The following P2RX7 variants were observed in gnomAD, a reference collection of about 807,000 sequenced individuals.
P2RX7 encodes the protein P2X purinoceptor 7.
P2RX7 carries 62 observed loss-of-function variants against 71.6 expected under a neutral mutation model. The observed-to-expected ratio is 0.87, with a 90% CI of 0.71 to 1.07. P2RX7 has a LOEUF of 1.07. Ranked by LOEUF, P2RX7 falls within the 50% of genes least tolerant of loss-of-function variation. P2RX7 has a pLI of 0.00. For synonymous variants in P2RX7, 299 were observed against 283.3 expected (o/e 1.06, Z -0.56); for missense variants, 686 against 748.5 (o/e 0.92, Z 0.97).
chr12:121,139,677 G>A (rs1028614870), intron 1 of P2RX7, among the ~76,000 whole-genome samples: 2 of 151,530 alleles, frequency 1.3e-5, no homozygotes, highest in Admixed American at 1.3e-4. Flanking sequence ...GGCCCCAGAC[G>A]CCAGGAGGAG....
intron 1 of P2RX7, among the ~76,000 whole-genome samples, chr12:121,143,087 A>C (rs1875334480): frequency 6.6e-6 from 1 of 151,060 alleles, no homozygotes; most frequent in Non-Finnish European, 1.5e-5. Context: ...ATCTCAAAAA[A>C]AAAAAAAAGA....
chr12:121,171,939 G>A (rs1027331483), intron 8 of P2RX7, among the ~76,000 whole-genome samples: 77 of 148,372 alleles, frequency 5.2e-4, no homozygotes, highest in African/African-American at 1.9e-3. Context: ...TCGGCTCACT[G>A]CAAGCTCCGC....
At chr12:121,162,143 G>T (rs111753637) in intron 4 of P2RX7, 1 of 869,424 alleles carries the variant, frequency 1.2e-6, no homozygotes, top group Non-Finnish European at 1.5e-6. Flanking sequence ...CACCTGTTCC[G>T]CTCCCCTCAT....
chr12:121,139,934 G>A (rs561884379), intron 1 of P2RX7, among the ~76,000 whole-genome samples: 1 of 152,234 alleles, frequency 6.6e-6, no homozygotes, highest in East Asian at 1.9e-4. Flanking sequence ...GTTCTGCTAT[G>A]TTGGCTAGGC....
chr12:121,148,714 C>T (rs1054450916), intron 1 of P2RX7, among the ~76,000 whole-genome samples: 1 of 152,186 alleles, frequency 6.6e-6, no homozygotes, highest in Non-Finnish European at 1.5e-5. Context: ...GGCTCTCCCC[C>T]ACTTTCTTCT....
Position 121,138,248 on chromosome 12 carries a change from C to T in P2RX7, c.125+5153C>T, listed in dbSNP as rs145606875. Among the ~76,000 whole-genome samples, 50 of 152,360 alleles carry T rather than the reference C, an allele frequency of 3.3e-4. No individual in the cohort carries two copies. In the East Asian group the frequency reaches 5.4e-3, roughly 16 times the overall value. Reference sequence around the variant, plus strand: ...CTGTGTCATCAGGACGGATCCGTCTCCCTACATCCTGGCTCCATTTGCTTC... The same window carrying T: ...CTGTGTCATCAGGACGGATCCGTCTTCCTACATCCTGGCTCCATTTGCTTC... On this transcript the variant is annotated intron_variant, in intron 1 of 12. Coordinates refer to ENST00000328963, the MANE Select transcript of P2RX7 (RefSeq NM_002562.6).
In P2RX7 at chr12:121,185,989, G is replaced by A. The variant is rs1884846983; in HGVS notation, c.*1187G>A. ...GAAACACTTGAACCTGGGAGGTGGAGGTTGCATTGAGCTGAGATCGTGCCA... is the reference window on the plus strand; with the variant it reads ...GAAACACTTGAACCTGGGAGGTGGAAGTTGCATTGAGCTGAGATCGTGCCA... On this transcript the variant is annotated 3_prime_UTR_variant, in exon 13 of 13. Transcript: ENST00000328963. The A allele has an allele frequency of 6.6e-6, 1 of 151,936 alleles. No homozygotes were observed. The highest frequency in any genetic ancestry group is 1.5e-5 in the Non-Finnish European group (1 of 68,118). 9.4% of individuals were successfully genotyped at this position (151,936 alleles called of 1,614,324 possible).
chr12:121,149,340 C>T lies in P2RX7; in HGVS notation c.126-5445C>T, dbSNP rs548265741. Among the ~76,000 whole-genome samples, 34 of 152,216 alleles carry T rather than the reference C, an allele frequency of 2.2e-4. No individual in the cohort carries two copies. In the East Asian group the frequency reaches 5.2e-3, roughly 23 times the overall value. On this transcript the variant is annotated intron_variant, in intron 1 of 12. Coordinates refer to ENST00000328963, the MANE Select transcript of P2RX7 (RefSeq NM_002562.6). The surrounding 1 kb of genome is among the most constrained non-coding windows in gnomAD (Gnocchi z 4.7). ...TGATGGCTGTATTAGTCTGTTCTCACGCTGCTAATAAAGACATACCCAAGA... is the reference window on the plus strand; with the variant it reads ...TGATGGCTGTATTAGTCTGTTCTCATGCTGCTAATAAAGACATACCCAAGA...
At chr12:121,182,444 A>G (rs1487018844) in intron 12 of P2RX7, among the ~76,000 whole-genome samples, 1 of 152,222 alleles carries the variant, frequency 6.6e-6, no homozygotes, top group Non-Finnish European at 1.5e-5. Context: ...ACAAACCTAA[A>G]TAGAATAGCC....
chr12:121,163,594 CAGGTAGATAGAT>C lies in P2RX7; in HGVS notation c.533+1077_533+1088del, dbSNP rs1306694304. On this transcript the variant is annotated intron_variant, in intron 5 of 12. Transcript: ENST00000328963. ...GATAAATAGATAATAGATAGATAGA[CAGGTAGATAGAT>C]AGATAGATAGATAGATAGATAGATA... 4.8e-5 allele frequency among the ~76,000 whole-genome samples: 3 copies of C among 62,408 alleles called. No individual in the cohort carries two copies. The Admixed American group carries it at 5.9e-4, about 12-fold the overall frequency. The allele number at this position is 62,408 out of a possible 152,430, so 40.9% of individuals were successfully genotyped here.
intron 1 of P2RX7, among the ~76,000 whole-genome samples, chr12:121,141,096 A>C (rs1412633746): frequency 2.6e-5 from 4 of 152,152 alleles, no homozygotes; most frequent in African/African-American, 9.7e-5. Context: ...TAAATAAATA[A>C]ATACATAAAT....
chr12:121,142,829 C>T (rs1211922755), intron 1 of P2RX7, among the ~76,000 whole-genome samples: 1 of 152,258 alleles, frequency 6.6e-6, no homozygotes. Context: ...TGGCTCATGC[C>T]TGTAATCTCA....
intron 1 of P2RX7, among the ~76,000 whole-genome samples, chr12:121,145,159 A>C (rs1875861134): frequency 6.6e-6 from 1 of 152,192 alleles, no homozygotes; most frequent in South Asian, 2.1e-4. Context: ...CACGCCCCAA[A>C]GGAGTGCTAA....
At chr12:121,136,410 T>G (rs1015896188) in intron 1 of P2RX7, among the ~76,000 whole-genome samples, 4 of 151,650 alleles carry the variant, frequency 2.6e-5, no homozygotes, top group Non-Finnish European at 5.9e-5. Context: ...CCTCAACTTC[T>G]CAGGCTCAAG....
At chr12:121,166,254 A>C in intron 7 of P2RX7, 67 bp downstream of exon 7, 1 of 1,545,498 alleles carries the variant, frequency 6.5e-7, no homozygotes, top group East Asian at 2.3e-5. Flanking sequence ...TCAAACAGCC[A>C]AGAGGCCGGG....
intron 3 of P2RX7, among the ~76,000 whole-genome samples, chr12:121,160,057 A>G (rs1879340791): frequency 6.6e-6 from 1 of 152,184 alleles, no homozygotes; most frequent in African/African-American, 2.4e-5. Context: ...TTGTGCAACC[A>G]TCACCACCGT....
At position 121,180,437 on chromosome 12, in the gene P2RX7, C is replaced by G; in HGVS notation, c.1272C>G (p.Val424=). Residue 424 remains valine, a synonymous_variant, in exon 12 of 13, where the codon GTC becomes GTG. Coordinates refer to ENST00000328963, the MANE Select transcript of P2RX7 (RefSeq NM_002562.6). ...TACTAGGGAGAAGTCTGCAAGATGT[C>G]AAGGGCCAAGAAGTCCCAGTAAGTT... is the stretch of plus-strand genomic sequence containing the variant. ...QQLLGRSLQD[V]KGQEVPRPAM... 6.3e-7 allele frequency: 1 copy of G among 1,579,844 alleles called. No homozygotes were observed. The highest frequency in any genetic ancestry group is 8.6e-7 in the Non-Finnish European group (1 of 1,157,810).
At chr12:121,172,961 G>A (rs922925647) in intron 8 of P2RX7, among the ~76,000 whole-genome samples, 5 of 152,168 alleles carry the variant, frequency 3.3e-5, no homozygotes, top group South Asian at 4.1e-4. Context: ...TCATCAAAGT[G>A]TGGTGAGAAG....
At chr12:121,163,358 G>GCA (rs1352653146) in intron 5 of P2RX7, among the ~76,000 whole-genome samples, 12,933 of 100,238 alleles carry the variant, frequency 0.13, 933 homozygotes, top group African/African-American at 0.22. Flanking sequence ...ACACACACAC[G>GCA]CACACACACA....
Sources: gnomAD v4.1 joint callset for allele counts (sites outside exome capture counted in the v4.1 genomes callset) on GRCh38, gnomAD v4.1.1 for gene constraint, Gnocchi (gnomAD v3.1) non-coding constraint, MANE v1.5 for transcripts, NCBI Gene and HGNC (gene_info 2026-07-23, HGNC 2026-07-21) for gene names.